The following CRACDL variants were observed in gnomAD, a reference collection of about 807,000 sequenced individuals.
CRACDL encodes CRACD-like protein.
In CRACDL, 26 loss-of-function variants were observed where a neutral mutation model predicts 70.6. The ratio of observed to expected loss-of-function variants is 0.37; its 90% confidence interval spans 0.27 to 0.51. CRACDL has a LOEUF of 0.51. Ranked by LOEUF, CRACDL falls within the 20% of genes least tolerant of loss-of-function variation. The pLI, the probability that CRACDL is intolerant of heterozygous loss-of-function variation, is 0.94. For synonymous variants in CRACDL, 618 were observed against 615.2 expected (o/e 1.00, Z -0.07); for missense variants, 1,283 against 1,376.9 (o/e 0.93, Z 1.08).
At position 98,827,006 on chromosome 2, in the gene CRACDL, TGGTTGC is replaced by T; in HGVS notation, c.698_703del (p.Arg233_Asn234del). ...GAGCCGCCTCATCTTACTCGACCGC[TGGTTGC>T]GGGGCTTGACCTGGAGCTTGTGCTT... On this transcript the variant is annotated inframe_deletion, in exon 6 of 10. Coordinates refer to ENST00000397899, the MANE Select transcript of CRACDL (RefSeq NM_207362.3). 1 of 1,613,932 alleles carries T rather than the reference TGGTTGC, an allele frequency of 6.2e-7. No individual in the cohort carries two copies. The highest frequency in any genetic ancestry group is 8.5e-7 in the Non-Finnish European group (1 of 1,179,904).
chr2:98,915,416 G>C (rs958262335), intron 1 of CRACDL, among the ~76,000 whole-genome samples: 3 of 152,078 alleles, frequency 2.0e-5, no homozygotes, highest in Admixed American at 2.0e-4. Flanking sequence ...GCACAGGGCA[G>C]GGAGCAGGCC....
rs1393419615 is a variant in CRACDL, at chr2:98,918,164, A to G, written c.-11+17774T>C. 2.6e-5 allele frequency among the ~76,000 whole-genome samples: 4 copies of G among 152,230 alleles called. No homozygotes were observed. The East Asian group carries it at 7.7e-4, about 29-fold the overall frequency. On this transcript the variant is annotated intron_variant, in intron 1 of 9. Coordinates refer to ENST00000397899, the MANE Select transcript of CRACDL (RefSeq NM_207362.3). ...CAGTAGGATTACTGAATTGGATGGT[A>G]GTTCTATTTTCAGTTCTTTGAGAAA...
At chr2:98,859,455 A>C (rs949284321) in intron 1 of CRACDL, among the ~76,000 whole-genome samples, 2 of 152,236 alleles carry the variant, frequency 1.3e-5, no homozygotes, top group African/African-American at 4.8e-5. Flanking sequence ...AAGAGATTAC[A>C]CAGCATGACC....
intron 1 of CRACDL, among the ~76,000 whole-genome samples, chr2:98,847,083 G>A (rs1248615799): frequency 6.6e-6 from 1 of 152,134 alleles, no homozygotes; most frequent in East Asian, 1.9e-4. Context: ...TGCAGATTAG[G>A]TTTCTTTCAA....
rs371832002 is a variant in CRACDL, at chr2:98,809,513, T to C, written c.2417-11976A>G. Among the ~76,000 whole-genome samples, 749 of 152,292 alleles carry C rather than the reference T, an allele frequency of 4.9e-3. 1 individual carries two copies. The highest frequency in any genetic ancestry group is 0.016 in the African/African-American group (671 of 41,572). On this transcript the variant is annotated intron_variant, in intron 7 of 9. Transcript: ENST00000397899. ...TCTGTTCAGCTTCTAAGAAGTCCCATGGAAGCCACCCTTGCAGACTCTGCA... is the reference window on the plus strand; with the variant it reads ...TCTGTTCAGCTTCTAAGAAGTCCCACGGAAGCCACCCTTGCAGACTCTGCA...
intron 8 of CRACDL, 135 bp from the exon 9 acceptor site, chr2:98,796,399 G>T: frequency 1.2e-6 from 1 of 810,528 alleles, no homozygotes; most frequent in Non-Finnish European, 2.0e-6. Flanking sequence ...AGGGCGCCCT[G>T]GTGTCAGCTC....
intron 3 of CRACDL, among the ~76,000 whole-genome samples, chr2:98,834,502 G>A (rs1363013248): frequency 1.3e-5 from 2 of 152,186 alleles, no homozygotes; most frequent in Non-Finnish European, 2.9e-5. Context: ...CACTGCATGG[G>A]AAAGGGGGGC....
intron 1 of CRACDL, among the ~76,000 whole-genome samples, chr2:98,904,196 C>A (rs141999092): frequency 6.6e-6 from 1 of 152,216 alleles, no homozygotes; most frequent in Non-Finnish European, 1.5e-5. Context: ...ACTTTCCACG[C>A]ACCCTCCACT....
chr2:98,935,058 A>T (rs1162422857), intron 1 of CRACDL, among the ~76,000 whole-genome samples: 1 of 152,144 alleles, frequency 6.6e-6, no homozygotes, highest in Non-Finnish European at 1.5e-5. Context: ...CGTGGGACCG[A>T]GCTCCAGGGA....
intron 2 of CRACDL, among the ~76,000 whole-genome samples, chr2:98,843,369 G>A (rs1178515005): frequency 1.3e-5 from 2 of 152,118 alleles, no homozygotes; most frequent in African/African-American, 4.8e-5. Flanking sequence ...TCTTAAAAGT[G>A]TCTTTCACAG....
chr2:98,864,341 G>A (rs1191045614), intron 1 of CRACDL, among the ~76,000 whole-genome samples: 3 of 152,162 alleles, frequency 2.0e-5, no homozygotes, highest in Non-Finnish European at 4.4e-5. Context: ...CCACTTACAC[G>A]AAATGTCCAG....
chr2:98,927,266 A>G (rs1414207070), intron 1 of CRACDL, among the ~76,000 whole-genome samples: 3 of 152,146 alleles, frequency 2.0e-5, no homozygotes, highest in Non-Finnish European at 4.4e-5. Flanking sequence ...GCCTGGAGCC[A>G]CCAATGACTC....
chr2:98,795,248 G>T (rs2104388384), intron 9 of CRACDL, among the ~76,000 whole-genome samples: 1 of 151,030 alleles, frequency 6.6e-6, no homozygotes, highest in South Asian at 2.1e-4. Flanking sequence ...TCGAATTTTT[G>T]TATTTTTAGT....
At chr2:98,900,253 G>C (rs1456130398) in intron 1 of CRACDL, among the ~76,000 whole-genome samples, 2 of 139,840 alleles carry the variant, frequency 1.4e-5, no homozygotes, top group African/African-American at 5.3e-5. Flanking sequence ...CAGTAGGAGG[G>C]AAGGCAGGGG....
chr2:98,887,702 A>G (rs1435836256), intron 1 of CRACDL, among the ~76,000 whole-genome samples: 3 of 152,222 alleles, frequency 2.0e-5, no homozygotes, highest in Non-Finnish European at 2.9e-5. Flanking sequence ...CGACACCTAG[A>G]CATATCATAA....
intron 1 of CRACDL, among the ~76,000 whole-genome samples, chr2:98,910,806 C>T (rs369063063): frequency 6.6e-6 from 1 of 152,198 alleles, no homozygotes; most frequent in South Asian, 2.1e-4. Context: ...GGGCCCATTT[C>T]CTTTTCTGCA....
chr2:98,898,054 T>C (rs1194404248), intron 1 of CRACDL, among the ~76,000 whole-genome samples: 1 of 152,240 alleles, frequency 6.6e-6, no homozygotes, highest in Non-Finnish European at 1.5e-5. Flanking sequence ...GGTTGTCACA[T>C]ATAATCCAAA....
At chr2:98,821,562 T>TA (rs1280057452) in intron 7 of CRACDL, among the ~76,000 whole-genome samples, 1 of 152,082 alleles carries the variant, frequency 6.6e-6, no homozygotes, top group Non-Finnish European at 1.5e-5. Flanking sequence ...ACACATAAAA[T>TA]ACACTAAACT....
chr2:98,867,694 G>T (rs527431133), intron 1 of CRACDL, among the ~76,000 whole-genome samples: 1 of 152,276 alleles, frequency 6.6e-6, no homozygotes, highest in South Asian at 2.1e-4. Context: ...TTGCAAAGAG[G>T]CCATCTAACT....
Sources: gnomAD v4.1 joint callset for allele counts (sites outside exome capture counted in the v4.1 genomes callset) on GRCh38, gnomAD v4.1.1 for gene constraint, MANE v1.5 for transcripts, NCBI Gene and HGNC (gene_info 2026-07-23, HGNC 2026-07-21) for gene names.